RNF145: variants seen among roughly 807,000 people sequenced by gnomAD.
RNF145 encodes ring finger protein 145.
In RNF145, 12 loss-of-function variants were observed where a neutral mutation model predicts 57.3. The ratio of observed to expected loss-of-function variants is 0.21; its 90% CI spans 0.13 to 0.34. The LOEUF is 0.34. Ranked by LOEUF, RNF145 falls within the 10% of genes least tolerant of loss-of-function variation. The pLI, the probability that RNF145 is intolerant of heterozygous loss-of-function variation, is 1.00. For missense variants in RNF145, 429 were observed against 799.0 expected (o/e 0.54, Z 5.58); for synonymous variants, 262 against 288.3 (o/e 0.91, Z 0.92).
At chr5:159,209,713 C>A, upstream of RNF145, 4 of 1,067,172 alleles carry the variant, frequency 3.7e-6, no homozygotes, top group Non-Finnish European at 5.4e-6. Flanking sequence ...CTAGCCAAGC[C>A]CATACAGCCC....
intron 3 of RNF145, among the ~76,000 whole-genome samples, chr5:159,186,648 C>A (rs1043442604): frequency 1.3e-5 from 2 of 152,148 alleles, no homozygotes; most frequent in South Asian, 2.1e-4. Context: ...ACCTACCATA[C>A]CGTCAGCACT....
At position 159,203,726 on chromosome 5, in the gene RNF145, G is replaced by A. The variant is rs780691568; in HGVS notation, c.-39-70C>T. The A allele has an allele frequency of 1.3e-5, 12 of 935,602 alleles. No homozygotes were observed. In the Admixed American group the frequency reaches 2.1e-4, roughly 16 times the overall value. The allele number at this position is 935,602 out of a possible 1,614,324, so 58.0% of individuals were successfully genotyped here. On this transcript the variant is annotated intron_variant, in intron 1 of 10. Transcript: ENST00000424310. Reference sequence around the variant, plus strand: ...AAATCGCTTTTAGATACCCTTTCACGAATCTAATAGGTTGTCACACACTGT... The same window carrying A: ...AAATCGCTTTTAGATACCCTTTCACAAATCTAATAGGTTGTCACACACTGT...
upstream of RNF145, chr5:159,209,667 C>T (rs1428756365): frequency 1.3e-5 from 12 of 955,006 alleles, no homozygotes; most frequent in East Asian, 2.6e-4. Flanking sequence ...GAGTGCTTTC[C>T]GCACCGCCTC....
intron 7 of RNF145, 64 bp downstream of exon 7, chr5:159,169,615 T>G: frequency 7.5e-7 from 1 of 1,329,878 alleles, no homozygotes; most frequent in Non-Finnish European, 1.0e-6. Flanking sequence ...AAGAAATTCA[T>G]CATTACTTCC....
At chr5:159,208,370 G>A (rs954567649) in intron 1 of RNF145, among the ~76,000 whole-genome samples, 2 of 152,180 alleles carry the variant, frequency 1.3e-5, no homozygotes, top group African/African-American at 4.8e-5. Context: ...AGAAAAACGC[G>A]GGCGAAGTTC....
At chr5:159,203,394 T>G (rs766340127) in intron 2 of RNF145, 40 bp downstream of exon 2, 2 of 1,348,882 alleles carry the variant, frequency 1.5e-6, no homozygotes, top group East Asian at 4.6e-5. Context: ...TAAATCAGAA[T>G]GCTCACTAGA....
At chr5:159,178,507 T>G (rs1784784599) in intron 4 of RNF145, among the ~76,000 whole-genome samples, 1 of 152,098 alleles carries the variant, frequency 6.6e-6, no homozygotes, top group African/African-American at 2.4e-5. Flanking sequence ...TACTGAATGT[T>G]ATTTTCCAGA....
At chr5:159,208,872 G>A (rs984572950) in intron 1 of RNF145, among the ~76,000 whole-genome samples, 1 of 144,586 alleles carries the variant, frequency 6.9e-6, no homozygotes, top group Non-Finnish European at 1.5e-5. Flanking sequence ...TCTCAGGAAT[G>A]TAAGGGAGCG....
intron 3 of RNF145, among the ~76,000 whole-genome samples, chr5:159,193,297 C>G (rs1338332596): frequency 6.6e-6 from 1 of 152,160 alleles, no homozygotes; most frequent in Non-Finnish European, 1.5e-5. Flanking sequence ...ACTTTGACAT[C>G]AGAGGACCTA....
chr5:159,199,447 G>C (rs1785587625), intron 2 of RNF145, among the ~76,000 whole-genome samples: 1 of 150,998 alleles, frequency 6.6e-6, no homozygotes, highest in Admixed American at 6.6e-5. Flanking sequence ...CATAAACATA[G>C]AAAAGTCTGT....
intron 9 of RNF145, 143 bp downstream of exon 9, chr5:159,162,789 A>T: frequency 1.6e-6 from 1 of 626,652 alleles, no homozygotes; most frequent in Admixed American, 3.5e-5. Context: ...AAATAAATGT[A>T]ATGTGTTCTA....
intron 4 of RNF145, among the ~76,000 whole-genome samples, chr5:159,179,162 G>A (rs983065203): frequency 3.3e-5 from 5 of 151,910 alleles, no homozygotes; most frequent in Non-Finnish European, 7.4e-5. Flanking sequence ...TCAGTGCTGG[G>A]GTTACAGGCT....
At chr5:159,171,314 A>G (rs1396942756) in intron 6 of RNF145, among the ~76,000 whole-genome samples, 7 of 152,180 alleles carry the variant, frequency 4.6e-5, no homozygotes, top group African/African-American at 1.4e-4. Context: ...ATTTTACTTC[A>G]TTCTTATTGA....
upstream of RNF145, chr5:159,209,682 G>A (rs1786046989): frequency 1.1e-6 from 1 of 946,694 alleles, no homozygotes; most frequent in African/African-American, 1.7e-5. Context: ...CGCCTCCGGT[G>A]CGTGGGCGGG....
intron 8 of RNF145, among the ~76,000 whole-genome samples, chr5:159,164,747 T>C (rs1784338940): frequency 6.6e-6 from 1 of 152,192 alleles, no homozygotes; most frequent in Non-Finnish European, 1.5e-5. Flanking sequence ...ATTTGCTACA[T>C]AATTTGAATA....
intron 1 of RNF145, among the ~76,000 whole-genome samples, chr5:159,208,926 A>T (rs1297818005): frequency 6.6e-6 from 1 of 151,198 alleles, no homozygotes; most frequent in Admixed American, 6.6e-5. Context: ...GCGGGGAGGC[A>T]GCCGAGGCCC....
rs1447529674 is a variant in RNF145, at chr5:159,190,087, G to C, written c.293+4629C>G. Among the ~76,000 whole-genome samples the C allele has an allele frequency of 2.0e-5, 3 of 152,302 alleles. 1 individual carries two copies. The highest frequency in any genetic ancestry group is 4.2e-4 in the South Asian group (2 of 4,814). ...CAAACAGGGTCTTGTTCTGTCACCA[G>C]GCTGGAGTGCAGTGGCACAATCCCA... On this transcript the variant is annotated intron_variant, in intron 3 of 10. Transcript: ENST00000424310.
intron 1 of RNF145, among the ~76,000 whole-genome samples, chr5:159,208,951 AG>A (rs1786003396): frequency 6.6e-6 from 1 of 150,752 alleles, no homozygotes; most frequent in African/African-American, 2.4e-5. Flanking sequence ...GCTGGAACAG[AG>A]GGGGCTTTGC....
intron 3 of RNF145, among the ~76,000 whole-genome samples, chr5:159,184,783 T>A (rs1418653188): frequency 6.6e-6 from 1 of 152,212 alleles, no homozygotes; most frequent in Non-Finnish European, 1.5e-5. Context: ...CAACCCTATA[T>A]TTCATTCCTT....
Sources: allele counts gnomAD v4.1 joint callset (sites outside exome capture counted in the v4.1 genomes callset), GRCh38; gene constraint gnomAD v4.1.1; transcripts MANE v1.5; gene names NCBI Gene and HGNC (gene_info 2026-07-23, HGNC 2026-07-21).